The following PRPSAP1 variants were observed in gnomAD, a reference collection of about 807,000 sequenced individuals.
The protein encoded by PRPSAP1 is phosphoribosyl pyrophosphate synthase-associated protein 1.
A neutral mutation model predicts 39.4 loss-of-function variants in PRPSAP1; 31 were observed. The observed-to-expected ratio is 0.79, with a 90% CI of 0.59 to 1.06. PRPSAP1 has a LOEUF of 1.06. PRPSAP1 is among the 50% of genes least tolerant of loss of function. The probability of loss-of-function intolerance (pLI) is 0.00; values close to 1 mark genes in which losing one functional copy is unlikely to be tolerated. For synonymous variants in PRPSAP1, 212 were observed against 192.6 expected (o/e 1.10, Z -0.83); for missense variants, 430 against 511.6 (o/e 0.84, Z 1.54).
intron 7 of PRPSAP1, among the ~76,000 whole-genome samples, chr17:76,324,290 C>T (rs2143480845): frequency 6.6e-6 from 1 of 151,832 alleles, no homozygotes; most frequent in South Asian, 2.1e-4. Context: ...AGTACATCAC[C>T]TGGCTGACAT....
chr17:76,317,872 A>G (rs1349699712), intron 7 of PRPSAP1, among the ~76,000 whole-genome samples: 2 of 152,196 alleles, frequency 1.3e-5, no homozygotes, highest in Non-Finnish European at 2.9e-5. Context: ...CATCTGTATC[A>G]AGTCTACCTA....
At chr17:76,347,135 G>A (rs2071512343) in intron 2 of PRPSAP1, among the ~76,000 whole-genome samples, 1 of 151,720 alleles carries the variant, frequency 6.6e-6, no homozygotes, top group Admixed American at 6.6e-5. Flanking sequence ...GGGAACATGG[G>A]AAGATGTGGG....
intron 7 of PRPSAP1, among the ~76,000 whole-genome samples, chr17:76,321,650 G>A (rs1427609955): frequency 6.6e-6 from 1 of 152,026 alleles, no homozygotes; most frequent in Non-Finnish European, 1.5e-5. Context: ...TTGAAATTAG[G>A]CCAATAACCC....
At position 76,348,557 on chromosome 17, in the gene PRPSAP1, CTT is replaced by C; in HGVS notation, c.193_194del (p.Lys65ValfsTer14). ...ITERLGAELG[K>X]SVVYQETNGE... is the part of the protein sequence containing the mutation. ...CATTGGTCTCTTGATATACAACAGA[CTT>C]CCCCAATTCAGCACCAAGGCGCCTA... On this transcript the variant is annotated frameshift_variant, in exon 2 of 10. Coordinates refer to ENST00000446526, the MANE Select transcript of PRPSAP1 (RefSeq NM_002766.3). LOFTEE classifies it high-confidence loss of function. 2.0e-6 allele frequency: 3 copies of C among 1,527,904 alleles called. No individual in the cohort carries two copies. Among genetic ancestry groups the C allele is most frequent in the Non-Finnish European group, 2.6e-6 (3 of 1,148,482 alleles). 94.6% of individuals were successfully genotyped at this position (1,527,904 alleles called of 1,614,324 possible).
intron 7 of PRPSAP1, among the ~76,000 whole-genome samples, chr17:76,315,702 T>C (rs2071115651): frequency 1.6e-5 from 1 of 64,344 alleles, no homozygotes; most frequent in South Asian, 7.1e-4. Flanking sequence ...CCTATCCGCT[T>C]TTTTTTTTTT....
At chr17:76,312,746 T>C (rs1259493835) in intron 9 of PRPSAP1, 124 bp downstream of exon 9, 4 of 1,298,982 alleles carry the variant, frequency 3.1e-6, no homozygotes, top group Non-Finnish European at 4.2e-6. Flanking sequence ...CCCAACGAAC[T>C]GCTAGCCAGC....
intron 1 of PRPSAP1, among the ~76,000 whole-genome samples, chr17:76,352,086 G>C (rs555417617): frequency 7.3e-5 from 11 of 150,392 alleles, no homozygotes; most frequent in Admixed American, 2.0e-4. Flanking sequence ...AACAAGCAGA[G>C]CTGAAAAAAA....
intron 7 of PRPSAP1, chr17:76,314,686 T>C (rs1394543793): frequency 6.6e-6 from 1 of 152,364 alleles, no homozygotes; most frequent in East Asian, 1.9e-4. Flanking sequence ...TTTTTTCCTA[T>C]CAAGTCTTCT....
At chr17:76,317,728 C>T (rs544611030) in intron 7 of PRPSAP1, among the ~76,000 whole-genome samples, 60 of 152,200 alleles carry the variant, frequency 3.9e-4, no homozygotes, top group Middle Eastern at 3.4e-3. Context: ...CCAGGAAAAG[C>T]GAGCCAGAAA....
At chr17:76,315,343 C>T (rs1443108391) in intron 7 of PRPSAP1, among the ~76,000 whole-genome samples, 1 of 152,086 alleles carries the variant, frequency 6.6e-6, no homozygotes, top group African/African-American at 2.4e-5. Flanking sequence ...GTGGGGGAAG[C>T]GAAAGAGAAT....
chr17:76,322,186 C>G (rs2071204981), intron 7 of PRPSAP1, among the ~76,000 whole-genome samples: 1 of 152,166 alleles, frequency 6.6e-6, no homozygotes, highest in South Asian at 2.1e-4. Flanking sequence ...CATTTGAGGT[C>G]AGGAGTTCGT....
intron 2 of PRPSAP1, 81 bp downstream of exon 2, chr17:76,348,448 G>C: frequency 1.1e-6 from 1 of 888,614 alleles, no homozygotes; most frequent in Non-Finnish European, 1.5e-6. Context: ...ACTCCAGCCT[G>C]GGCGACAGAG....
chr17:76,343,808 C>T (rs1275308886), intron 3 of PRPSAP1, among the ~76,000 whole-genome samples: 1 of 151,942 alleles, frequency 6.6e-6, no homozygotes, highest in Non-Finnish European at 1.5e-5. Flanking sequence ...GCACTCCAGC[C>T]GGGGTGACAG....
At chr17:76,325,384 G>A (rs1171241408) in intron 7 of PRPSAP1, among the ~76,000 whole-genome samples, 2 of 128,684 alleles carry the variant, frequency 1.6e-5, no homozygotes, top group Admixed American at 8.2e-5. Context: ...ACTCCAGCCT[G>A]GGCGACAGAG....
intron 2 of PRPSAP1, among the ~76,000 whole-genome samples, chr17:76,345,076 A>G: frequency 6.6e-6 from 1 of 151,764 alleles, no homozygotes; most frequent in African/African-American, 2.4e-5. Context: ...TCTACTAAAA[A>G]CACAAAAAAT....
intron 2 of PRPSAP1, among the ~76,000 whole-genome samples, chr17:76,347,517 G>GCAGA (rs1156451983): frequency 7.7e-6 from 1 of 129,448 alleles, no homozygotes; most frequent in Non-Finnish European, 1.6e-5. Context: ...AAAAAAGAAA[G>GCAGA]CAGACAGAGT....
intron 4 of PRPSAP1, among the ~76,000 whole-genome samples, chr17:76,331,365 A>C (rs1414546340): frequency 1.3e-5 from 2 of 152,192 alleles, no homozygotes; most frequent in African/African-American, 4.8e-5. Flanking sequence ...GACCATCTGG[A>C]TCTATGGGTT....
intron 7 of PRPSAP1, among the ~76,000 whole-genome samples, chr17:76,316,978 G>A (rs997032263): frequency 2.0e-5 from 3 of 152,168 alleles, no homozygotes; most frequent in African/African-American, 7.2e-5. Flanking sequence ...CAGCAAAAAA[G>A]AACTATGAGA....
intron 1 of PRPSAP1, among the ~76,000 whole-genome samples, chr17:76,348,971 T>G (rs1168945792): frequency 6.6e-6 from 1 of 152,198 alleles, no homozygotes; most frequent in Non-Finnish European, 1.5e-5. Context: ...TGACCAAATG[T>G]GGTGTGGATC....
Sources: allele counts gnomAD v4.1 joint callset (sites outside exome capture counted in the v4.1 genomes callset), GRCh38; gene constraint gnomAD v4.1.1; transcripts MANE v1.5; gene names NCBI Gene and HGNC (gene_info 2026-07-23, HGNC 2026-07-21).